Variants in FANCD2 observed in about 807,000 individuals in gnomAD.
FANCD2 encodes FA complementation group D2.
Under a neutral mutation model 192.3 loss-of-function variants are expected in FANCD2, and 131 were observed. The ratio of observed to expected loss-of-function variants is 0.68; its 90% CI spans 0.59 to 0.79. FANCD2 has a LOEUF of 0.79. FANCD2 is among the 30% of genes least tolerant of loss of function. The pLI, the probability that FANCD2 is intolerant of heterozygous loss-of-function variation, is 0.00. For synonymous variants in FANCD2, 524 were observed against 612.5 expected (o/e 0.86, Z 2.13); for missense variants, 1,508 against 1,701.6 (o/e 0.89, Z 2.00).
At chr3:10,089,217 G>A (rs1179100892) in intron 36 of FANCD2, among the ~76,000 whole-genome samples, 5 of 151,864 alleles carry the variant, frequency 3.3e-5, no homozygotes, top group Non-Finnish European at 5.9e-5. Context: ...CCTGGGAGGC[G>A]GAGGTTGCAG....
intron 37 of FANCD2, 126 bp from the exon 38 acceptor site, chr3:10,092,055 C>T (rs1694643661): frequency 2.5e-6 from 2 of 805,004 alleles, no homozygotes; most frequent in East Asian, 2.4e-5. Flanking sequence ...CTGGTTGCTA[C>T]ATCTAAGGAT....
At chr3:10,100,708 T>C (rs1283595839) in intron 43 of FANCD2, among the ~76,000 whole-genome samples, 1 of 152,126 alleles carries the variant, frequency 6.6e-6, no homozygotes, top group Non-Finnish European at 1.5e-5. Context: ...TCATTCTATA[T>C]CGAATGCCCT....
At chr3:10,078,846 T>C (rs572929608) in intron 30 of FANCD2, among the ~76,000 whole-genome samples, 6 of 151,318 alleles carry the variant, frequency 4.0e-5, no homozygotes, top group African/African-American at 1.5e-4. Context: ...GCAGCTATAG[T>C]TCCAGCTACT....
At chr3:10,075,490 CTT>C (rs1372091591) in intron 29 of FANCD2, among the ~76,000 whole-genome samples, 1 of 151,978 alleles carries the variant, frequency 6.6e-6, no homozygotes, top group African/African-American at 2.4e-5. Flanking sequence ...GGCCCCATAG[CTT>C]TATTGATGCC....
intron 20 of FANCD2, among the ~76,000 whole-genome samples, 157 bp from the exon 21 acceptor site, chr3:10,063,635 G>A (rs868442237): frequency 6.6e-6 from 1 of 152,166 alleles, no homozygotes; most frequent in South Asian, 2.1e-4. Context: ...GATATCAGAA[G>A]GAGACAGACG....
intron 19 of FANCD2, 25 bp downstream of exon 19, chr3:10,060,428 G>C (rs374932802): frequency 6.4e-7 from 1 of 1,558,116 alleles, no homozygotes; most frequent in East Asian, 2.2e-5. Flanking sequence ...TCTGACTTCT[G>C]TGGTTTAAGA....
intron 3 of FANCD2, 63 bp downstream of exon 3, chr3:10,033,035 G>A: frequency 1.5e-6 from 2 of 1,294,040 alleles, no homozygotes; most frequent in Middle Eastern, 2.6e-4. Context: ...TGAATCATGG[G>A]TTTTCTAAAT....
intron 41 of FANCD2, among the ~76,000 whole-genome samples, 167 bp from the exon 42 acceptor site, chr3:10,096,159 C>T (rs1304297718): frequency 2.0e-5 from 3 of 152,132 alleles, no homozygotes; most frequent in African/African-American, 2.4e-5. Context: ...TCTTTAGCTG[C>T]CATTCTCTTT....
At chr3:10,057,582 C>G (rs77646774) in intron 18 of FANCD2, among the ~76,000 whole-genome samples, 2 of 152,108 alleles carry the variant, frequency 1.3e-5, no homozygotes. Flanking sequence ...CCAGGATGAT[C>G]TCAATCTCTT....
intron 10 of FANCD2, among the ~76,000 whole-genome samples, 197 bp from the exon 11 acceptor site, chr3:10,042,362 A>C (rs927756170): frequency 6.6e-6 from 1 of 152,200 alleles, no homozygotes; most frequent in Non-Finnish European, 1.5e-5. Context: ...TTGCCCGTCT[A>C]TTTTTGATGA....
intron 29 of FANCD2, among the ~76,000 whole-genome samples, chr3:10,075,319 G>A (rs1030709176): frequency 8.6e-5 from 13 of 151,982 alleles, no homozygotes; most frequent in Non-Finnish European, 1.8e-4. Flanking sequence ...GAGTAGCTGG[G>A]GCTATAGGCA....
chr3:10,052,287 GCTAT>G (rs542449623), intron 17 of FANCD2, 96 bp from the exon 18 acceptor site: 9 of 782,120 alleles, frequency 1.2e-5, no homozygotes, highest in Middle Eastern at 2.3e-4. Flanking sequence ...TAGATACCTG[GCTAT>G]CTATGTGTGT....
At chr3:10,095,172 A>T (rs746666831) in intron 40 of FANCD2, 28 bp from the exon 41 acceptor site, 3 of 1,572,546 alleles carry the variant, frequency 1.9e-6, no homozygotes, top group Non-Finnish European at 1.8e-6. Flanking sequence ...GACATTTCAT[A>T]GAGCATTTAT....
At position 10,043,482 on chromosome 3, in the gene FANCD2, A is replaced by G; in HGVS notation, c.990-2A>G. The G allele has an allele frequency of 6.2e-7, 1 of 1,611,636 alleles. No individual in the cohort carries two copies. Among genetic ancestry groups the G allele is most frequent in the Non-Finnish European group, 8.5e-7 (1 of 1,177,780 alleles). ...AATTTTTTTCCTCTCTGCTACTTGT[A>G]GTTCCTCAGGAAATCAAGAAAGCAG... On this transcript the variant is annotated splice_acceptor_variant, in intron 12 of 43. Transcript: ENST00000675286. LOFTEE classifies it high-confidence loss of function.
chr3:10,080,663 C>G (rs564888544), intron 30 of FANCD2, among the ~76,000 whole-genome samples: 2 of 152,080 alleles, frequency 1.3e-5, no homozygotes, highest in African/African-American at 2.4e-5. Context: ...CTCAGATACT[C>G]AGGAGGCTGA....
In FANCD2 at chr3:10,070,831, C is replaced by T. The variant is rs552361370; in HGVS notation, c.2495-2040C>T. The stretch of plus-strand genomic sequence containing the variant: ...ATCCTGTTGATCGGTGACCTTACCC[C>T]CAACCCTGTGCTCTCTGAAACATGT... On this transcript the variant is annotated intron_variant, in intron 26 of 43. Coordinates refer to ENST00000675286, the MANE Select transcript of FANCD2 (RefSeq NM_001018115.3). Among the ~76,000 whole-genome samples the T allele has an allele frequency of 7.1e-3, 1,033 of 146,296 alleles. 16 individuals are homozygous for T. Among genetic ancestry groups the T allele is most frequent in the African/African-American group, 0.024 (942 of 38,966 alleles).
intron 26 of FANCD2, among the ~76,000 whole-genome samples, chr3:10,070,054 G>A (rs1206000935): frequency 1.3e-5 from 2 of 150,238 alleles, no homozygotes; most frequent in East Asian, 2.0e-4. Context: ...CTGAGATGTG[G>A]GGAGCGCCTC....
chr3:10,060,985 G>A (rs34798714), intron 19 of FANCD2, among the ~76,000 whole-genome samples: 4,680 of 152,262 alleles, frequency 0.031, 249 homozygotes, highest in African/African-American at 0.11. Context: ...ATCCTAATTA[G>A]GGAAAAGGAG....
intron 3 of FANCD2, 140 bp from the exon 4 acceptor site, chr3:10,034,324 CAAAAA>C (rs879221957): frequency 5.3e-4 from 222 of 417,504 alleles, no homozygotes; most frequent in East Asian, 7.9e-4. Flanking sequence ...AACTCCATCT[CAAAAA>C]AAAAAAAAAA....
Sources: gnomAD v4.1 joint callset for allele counts (sites outside exome capture counted in the v4.1 genomes callset) on GRCh38, gnomAD v4.1.1 for gene constraint, MANE v1.5 for transcripts, NCBI Gene and HGNC (gene_info 2026-07-23, HGNC 2026-07-21) for gene names.